The following GRM5 variants were observed in gnomAD, a reference collection of about 807,000 sequenced individuals.
GRM5 encodes the protein glutamate metabotropic receptor 5.
A neutral mutation model predicts 83.1 loss-of-function variants in GRM5; 19 were observed. The observed-to-expected ratio is 0.23, with a 90% CI of 0.16 to 0.34. The LOEUF is 0.34. Ranked by LOEUF, GRM5 falls within the 10% of genes least tolerant of loss-of-function variation. The pLI, the probability that GRM5 is intolerant of heterozygous loss-of-function variation, is 1.00. For missense variants in GRM5, 1,160 were observed against 1,588.3 expected (o/e 0.73, Z 4.58); for synonymous variants, 675 against 633.6 (o/e 1.07, Z -0.98).
intron 3 of GRM5, among the ~76,000 whole-genome samples, chr11:88,765,280 T>C (rs1437507142): frequency 6.6e-6 from 1 of 151,128 alleles, no homozygotes; most frequent in African/African-American, 2.4e-5. Context: ...CTGGGTCTGA[T>C]AGCTTCATGA....
intron 4 of GRM5, among the ~76,000 whole-genome samples, chr11:88,630,800 A>G (rs951874199): frequency 7.2e-5 from 11 of 152,100 alleles, no homozygotes; most frequent in African/African-American, 2.7e-4. Context: ...CTGGTCTCGA[A>G]CTCGTGACCT....
At chr11:88,651,697 G>A (rs1168136633) in intron 4 of GRM5, among the ~76,000 whole-genome samples, 1 of 152,044 alleles carries the variant, frequency 6.6e-6, no homozygotes, top group African/African-American at 2.4e-5. Flanking sequence ...TCTGAAGTGG[G>A]AGAGAAGCAA....
At chr11:88,817,115 C>T (rs1234538540) in intron 3 of GRM5, among the ~76,000 whole-genome samples, 1 of 151,850 alleles carries the variant, frequency 6.6e-6, no homozygotes, top group Non-Finnish European at 1.5e-5. Flanking sequence ...ACTAAAGAAC[C>T]AAAATATCAC....
intron 3 of GRM5, among the ~76,000 whole-genome samples, chr11:88,769,051 G>T (rs559339007): frequency 2.8e-4 from 42 of 152,148 alleles, no homozygotes; most frequent in African/African-American, 9.6e-4. Context: ...TAAAGAAACT[G>T]CATGTTAAGT....
At chr11:89,064,430 C>T (rs772391426) in intron 1 of GRM5, among the ~76,000 whole-genome samples, 1 of 152,178 alleles carries the variant, frequency 6.6e-6, no homozygotes, top group Non-Finnish European at 1.5e-5. Context: ...GGATTTTCCT[C>T]ACTCATTTCC....
rs1301434817 is a variant in GRM5, at chr11:88,508,848, T to G, written c.3383A>C (p.Gln1128Pro). The G allele has an allele frequency of 6.4e-7, 1 of 1,561,058 alleles. No homozygotes were observed. The highest frequency in any genetic ancestry group is 1.2e-5 in the South Asian group (1 of 84,642). ...LPAIEVTGGA[Q>P]PAAGAQAAGD... The stretch of plus-strand genomic sequence containing the variant: ...AGCCGCCTGCGCCCCTGCCGCGGGC[T>G]GCGCGCCTCCCGTGACTTCGATGGC... The change falls in exon 10 of 10, where the codon CAG (glutamine) becomes CCG (proline). Residue 1128 changes from glutamine (Q) to proline (P), a missense_variant. Gln to Pro is a moderately conservative substitution (Grantham distance 76). Coordinates refer to ENST00000305447, the MANE Select transcript of GRM5 (RefSeq NM_001143831.3). This position sits in a 1 kb window ranked among gnomAD's most constrained non-coding sequence, Gnocchi z 4.2.
intron 3 of GRM5, among the ~76,000 whole-genome samples, chr11:88,694,079 G>A (rs2135363734): frequency 6.6e-6 from 1 of 152,312 alleles, no homozygotes; most frequent in African/African-American, 2.4e-5. Context: ...GCAAATTGGA[G>A]ATAATAGTAC....
chr11:88,818,871 T>C (rs12279939), intron 3 of GRM5, among the ~76,000 whole-genome samples: 3,881 of 152,294 alleles, frequency 0.025, 175 homozygotes, highest in African/African-American at 0.089. Flanking sequence ...AAAGTTGTTA[T>C]GGTTGGACAG....
At chr11:88,704,308 G>T (rs533740374) in intron 3 of GRM5, among the ~76,000 whole-genome samples, 2 of 152,110 alleles carry the variant, frequency 1.3e-5, no homozygotes, top group Admixed American at 1.3e-4. Context: ...AATGCTAAAA[G>T]CAGTGAAGGA....
At chr11:88,614,216 C>T (rs772969846) in intron 4 of GRM5, among the ~76,000 whole-genome samples, 2 of 152,130 alleles carry the variant, frequency 1.3e-5, no homozygotes, top group Non-Finnish European at 2.9e-5. Context: ...GTCTTCCTGG[C>T]TCTGTGGCTT....
rs535236197 is a variant in GRM5 at position 88,941,270 on chromosome 11, G to A, written c.662-91115C>T. On this transcript the variant is annotated intron_variant, in intron 2 of 9. Transcript: ENST00000305447. ...AAGACACAGAGGTCAGTTTAAAGGC[G>A]ACCCCATTAACAAAACTGGAACACT... is the stretch of plus-strand genomic sequence containing the variant. 5.3e-5 allele frequency among the ~76,000 whole-genome samples: 8 copies of A among 151,124 alleles called. No homozygotes were observed. In the East Asian group the frequency reaches 7.8e-4, roughly 15 times the overall value.
At chr11:88,757,241 C>T (rs781284033) in intron 3 of GRM5, among the ~76,000 whole-genome samples, 3 of 152,174 alleles carry the variant, frequency 2.0e-5, no homozygotes, top group Non-Finnish European at 2.9e-5. Flanking sequence ...AAGCTTCCCT[C>T]GGGACTGCAG....
chr11:89,020,867 T>C (rs958458881), intron 2 of GRM5, among the ~76,000 whole-genome samples: 1 of 152,232 alleles, frequency 6.6e-6, no homozygotes, highest in African/African-American at 2.4e-5. Flanking sequence ...ATGAATCTTA[T>C]TTGGCAGGAA....
intron 3 of GRM5, among the ~76,000 whole-genome samples, chr11:88,800,467 A>G (rs1326298488): frequency 6.6e-6 from 1 of 152,042 alleles, no homozygotes; most frequent in Admixed American, 6.6e-5. Context: ...ATTTTTGCTT[A>G]TCTATTTCCA....
intron 2 of GRM5, among the ~76,000 whole-genome samples, chr11:88,950,945 C>G (rs1350936367): frequency 6.6e-6 from 1 of 152,160 alleles, no homozygotes; most frequent in Non-Finnish European, 1.5e-5. Context: ...TGCAGTTATA[C>G]TCCAGTTTTA....
At chr11:88,558,799 CAA>C (rs71265014) in intron 8 of GRM5, among the ~76,000 whole-genome samples, 59 of 21,912 alleles carry the variant, frequency 2.7e-3, no homozygotes, top group African/African-American at 5.9e-3. Context: ...GACTCCATCT[CAA>C]AAAAAAAAAA....
intron 2 of GRM5, among the ~76,000 whole-genome samples, chr11:88,893,680 T>C (rs1486168724): frequency 6.6e-6 from 1 of 152,022 alleles, no homozygotes; most frequent in Non-Finnish European, 1.5e-5. Context: ...TGACAGCAAT[T>C]AAACTCCAAA....
chr11:89,009,919 A>C (rs867263966), intron 2 of GRM5, among the ~76,000 whole-genome samples: 52 of 126,430 alleles, frequency 4.1e-4, no homozygotes, highest in African/African-American at 1.7e-3. Context: ...AAAAAAAAAA[A>C]AAAAAAAAAA....
intron 3 of GRM5, among the ~76,000 whole-genome samples, chr11:88,824,362 T>C (rs1943856658): frequency 6.6e-6 from 1 of 152,190 alleles, no homozygotes; most frequent in South Asian, 2.1e-4. Context: ...AAGATTCTTT[T>C]ATTCCTTGGA....
Sources: allele counts gnomAD v4.1 joint callset (sites outside exome capture counted in the v4.1 genomes callset), GRCh38; gene constraint gnomAD v4.1.1; non-coding constraint Gnocchi (gnomAD v3.1); transcripts MANE v1.5; gene names NCBI Gene and HGNC (gene_info 2026-07-23, HGNC 2026-07-21).